Variants in PUDP observed in about 807,000 individuals in gnomAD.
The protein encoded by PUDP is pseudouridine-5'-phosphatase.
A neutral mutation model predicts 9.4 loss-of-function variants in PUDP; 8 were observed. That is an observed-to-expected ratio of 0.85 (90% confidence interval 0.50 to 1.53). The LOEUF is 1.53. PUDP is among the 40% of genes most tolerant of loss of function. The probability of loss-of-function intolerance (pLI) is 0.00; values close to 1 mark genes in which losing one functional copy is unlikely to be tolerated. For synonymous variants in PUDP, 99 were observed against 80.7 expected, an observed-to-expected ratio of 1.23 and a Z score of -1.22; for missense variants, 188 against 189.7, an observed-to-expected ratio of 0.99 and a Z score of 0.05.
At chrX:6,713,669 C>A (rs1924561141) in intron 1 of PUDP, among the ~76,000 whole-genome samples, 1 of 111,137 alleles carries the variant, frequency 9.0e-6, no homozygotes, top group Non-Finnish European at 1.9e-5. Flanking sequence ...CCAGGAGAGG[C>A]CACAGTGAGC....
chrX:6,958,603 G>A (rs1161237651), intron 3 of PUDP, among the ~76,000 whole-genome samples: 1 of 110,482 alleles, frequency 9.1e-6, no homozygotes, highest in Non-Finnish European at 1.9e-5. Context: ...ATGGTGGTGG[G>A]CACCTGTAAT....
intron 3 of PUDP, among the ~76,000 whole-genome samples, chrX:6,805,278 AT>A (rs1926031017): frequency 9.0e-6 from 1 of 110,694 alleles, no homozygotes; most frequent in African/African-American, 3.3e-5. Context: ...TCTTAAAAAA[AT>A]AAAAATAAAA....
chrX:7,099,164 C>T (rs189009842), intron 2 of PUDP, among the ~76,000 whole-genome samples: 43 of 112,600 alleles, frequency 3.8e-4, no homozygotes, highest in African/African-American at 1.4e-3. Flanking sequence ...AAATTACCCT[C>T]GCTGAGTTAT....
intron 3 of PUDP, among the ~76,000 whole-genome samples, chrX:6,759,990 C>T (rs1421723235): frequency 8.9e-6 from 1 of 111,941 alleles, no homozygotes; most frequent in South Asian, 3.8e-4. Context: ...CAGAACCTTC[C>T]CACTTCTTCC....
At chrX:7,039,042 G>C (rs916512953) in intron 1 of PUDP, among the ~76,000 whole-genome samples, 4 of 111,218 alleles carry the variant, frequency 3.6e-5, no homozygotes, top group African/African-American at 1.3e-4. Flanking sequence ...TGATGCTCCT[G>C]CATCAGCCTC....
At chrX:7,036,702 G>GTC (rs1474759915) in intron 1 of PUDP, among the ~76,000 whole-genome samples, 3 of 110,511 alleles carry the variant, frequency 2.7e-5, no homozygotes, top group Non-Finnish European at 5.7e-5. Flanking sequence ...CTCTTTTTGT[G>GTC]TCTCTCTCTC....
intron 3 of PUDP, among the ~76,000 whole-genome samples, chrX:6,974,238 C>A (rs1408054494): frequency 8.9e-6 from 1 of 111,978 alleles, no homozygotes; most frequent in Non-Finnish European, 1.9e-5. Flanking sequence ...GAATTTGATC[C>A]TGTCATTGTG....
intron 3 of PUDP, among the ~76,000 whole-genome samples, chrX:6,798,689 C>G (rs1925882889): frequency 8.9e-6 from 1 of 112,083 alleles, no homozygotes; most frequent in South Asian, 3.7e-4. Context: ...CTTGTGTCCA[C>G]TAGTAGAATA....
intron 3 of PUDP, among the ~76,000 whole-genome samples, chrX:6,952,082 G>C (rs1011812218): frequency 9.0e-6 from 1 of 111,311 alleles, no homozygotes; most frequent in Non-Finnish European, 1.9e-5. Context: ...ATTTTATTTA[G>C]GGACTCAATA....
chrX:7,037,552 C>T, intron 1 of PUDP, among the ~76,000 whole-genome samples: 1 of 112,137 alleles, frequency 8.9e-6, no homozygotes, highest in East Asian at 2.8e-4. Context: ...CACACATAGA[C>T]AGACACCTTC....
chrX:6,829,120 C>A (rs759017639), intron 3 of PUDP, among the ~76,000 whole-genome samples: 3 of 111,089 alleles, frequency 2.7e-5, no homozygotes, highest in Non-Finnish European at 5.7e-5. Context: ...CCAGGAAGTG[C>A]CCTCACCAGA....
chrX:6,912,580 C>T (rs915772024), intron 3 of PUDP, among the ~76,000 whole-genome samples: 1 of 111,970 alleles, frequency 8.9e-6, no homozygotes, highest in South Asian at 3.7e-4. Context: ...GTTAGCAAAG[C>T]CAACTTGAGT....
intron 3 of PUDP, among the ~76,000 whole-genome samples, chrX:6,805,506 C>T (rs905289314): frequency 9.1e-6 from 1 of 109,722 alleles, no homozygotes; most frequent in African/African-American, 3.3e-5. Context: ...CTGGAAAGGA[C>T]GTTGGGACCA....
chrX:6,821,756 G>T (rs1287292216), intron 3 of PUDP, among the ~76,000 whole-genome samples: 1 of 112,262 alleles, frequency 8.9e-6, no homozygotes, highest in African/African-American at 3.2e-5. Context: ...GTTTGCATGG[G>T]TGAATGCCGG....
intron 3 of PUDP, among the ~76,000 whole-genome samples, chrX:7,066,321 G>C (rs1930552915): frequency 8.9e-6 from 1 of 111,753 alleles, no homozygotes; most frequent in African/African-American, 3.3e-5. Context: ...AGGCATTTGA[G>C]TGACAGTCCA....
rs988821853 is a variant in PUDP at position 6,979,390 on chromosome X, T to C, written c.205-1047A>G. Among the ~76,000 whole-genome samples the C allele has an allele frequency of 3.6e-5, 4 of 111,744 alleles. No homozygotes were observed. In the Admixed American group the frequency reaches 3.8e-4, roughly 11 times the overall value. On this transcript the variant is annotated intron_variant and NMD_transcript_variant, in intron 1 of 3. Coordinates refer to the PUDP transcript ENST00000655425. ...TACTGGTGAAAAAAAGCAAGTGAAA[T>C]TGCCGATTATAGTGTTCTAGATCCT...
chrX:6,981,884 G>A (rs926714696), intron 1 of PUDP, among the ~76,000 whole-genome samples: 6 of 109,891 alleles, frequency 5.5e-5, no homozygotes, highest in Non-Finnish European at 1.1e-4. Flanking sequence ...CTGGATGCCG[G>A]GCAGAATAAA....
chrX:6,895,588 G>A (rs1215125959), intron 3 of PUDP, among the ~76,000 whole-genome samples: 2 of 110,362 alleles, frequency 1.8e-5, no homozygotes, highest in Non-Finnish European at 3.8e-5. Flanking sequence ...AAAACTGCCT[G>A]CTATTGGTCC....
intron 1 of PUDP, among the ~76,000 whole-genome samples, chrX:6,706,784 G>A (rs1924475159): frequency 9.0e-6 from 1 of 111,532 alleles, no homozygotes; most frequent in Non-Finnish European, 1.9e-5. Flanking sequence ...CCGACCAGGG[G>A]CAAGATGGCA....
Sources: allele counts gnomAD v4.1 joint callset (sites outside exome capture counted in the v4.1 genomes callset), GRCh38; gene constraint gnomAD v4.1.1; transcripts MANE v1.5; gene names NCBI Gene and HGNC (gene_info 2026-07-23, HGNC 2026-07-21).